CCNJL: variants seen among roughly 807,000 people sequenced by gnomAD.
CCNJL encodes cyclin J like.
Under a neutral mutation model 33.4 loss-of-function variants are expected in CCNJL, and 33 were observed. The ratio of observed to expected loss-of-function variants is 0.99; its 90% CI spans 0.75 to 1.32. The LOEUF (loss-of-function observed/expected upper bound fraction) is 1.32, where lower values mean the gene tolerates loss of function less well. CCNJL is among the 40% of genes most tolerant of loss of function. CCNJL has a pLI of 0.00. For missense variants in CCNJL, 512 were observed against 499.7 expected, an observed-to-expected ratio of 1.02 and a Z score of -0.23; for synonymous variants, 227 against 220.9, an observed-to-expected ratio of 1.03 and a Z score of -0.24.
intron 2 of CCNJL, among the ~76,000 whole-genome samples, chr5:160,304,571 C>T (rs1180196215): frequency 6.6e-6 from 1 of 152,182 alleles, no homozygotes; most frequent in Non-Finnish European, 1.5e-5. Flanking sequence ...TTGTCAAAGC[C>T]AGCATTTGAG....
Position 160,250,028 on chromosome 5 carries a change from T to C in CCNJL, c.*3350A>G, listed in dbSNP as rs1331910840. ...CTGATGCCAGCCCTGGGAGGAACTT[T>C]AAGACTATCTTTGTGCTTTTTAAAG... On this transcript the variant is annotated 3_prime_UTR_variant, in exon 6 of 6. Transcript: ENST00000257536. The C allele has an allele frequency of 6.6e-6, 1 of 152,124 alleles. No homozygotes were observed. The highest frequency in any genetic ancestry group is 1.5e-5 in the Non-Finnish European group (1 of 68,036). 9.4% of individuals were successfully genotyped at this position (152,124 alleles called of 1,614,324 possible).
At chr5:160,318,760 C>T (rs540083216) in intron 1 of CCNJL, among the ~76,000 whole-genome samples, 6 of 152,096 alleles carry the variant, frequency 3.9e-5, no homozygotes, top group South Asian at 2.1e-4. Flanking sequence ...TTCACCATTA[C>T]GGAAAGAATG....
At chr5:160,275,021 C>T (rs1761961554) in intron 3 of CCNJL, among the ~76,000 whole-genome samples, 1 of 151,852 alleles carries the variant, frequency 6.6e-6, no homozygotes, top group South Asian at 2.1e-4. Flanking sequence ...TTCATTTTCC[C>T]CCCATAAATG....
At chr5:160,298,035 A>G (rs1418146515) in intron 2 of CCNJL, among the ~76,000 whole-genome samples, 1 of 152,152 alleles carries the variant, frequency 6.6e-6, no homozygotes, top group Non-Finnish European at 1.5e-5. Context: ...CCTCTGCTCT[A>G]TGTGTGCCTT....
At chr5:160,265,260 C>T (rs974578924) in intron 3 of CCNJL, among the ~76,000 whole-genome samples, 1 of 152,152 alleles carries the variant, frequency 6.6e-6, no homozygotes, top group Non-Finnish European at 1.5e-5. Flanking sequence ...GGTGCTTAAC[C>T]CAGGCTCAGA....
intron 4 of CCNJL, among the ~76,000 whole-genome samples, chr5:160,257,778 T>C (rs1487072044): frequency 2.0e-5 from 3 of 152,038 alleles, no homozygotes; most frequent in Non-Finnish European, 4.4e-5. Flanking sequence ...AGATAATGTA[T>C]GCAAAGCACT....
At chr5:160,338,711 C>T (rs1300232854) in intron 1 of CCNJL, among the ~76,000 whole-genome samples, 1 of 152,084 alleles carries the variant, frequency 6.6e-6, no homozygotes, top group Non-Finnish European at 1.5e-5. Context: ...TTAGGTAATG[C>T]GTATAAAGCA....
intron 2 of CCNJL, among the ~76,000 whole-genome samples, chr5:160,290,487 C>T (rs1202148070): frequency 2.6e-5 from 4 of 151,994 alleles, no homozygotes; most frequent in Non-Finnish European, 4.4e-5. Context: ...AGGCTGGTCT[C>T]GAACTCCTGA....
At chr5:160,270,128 T>G (rs1164070242) in intron 3 of CCNJL, among the ~76,000 whole-genome samples, 2 of 150,904 alleles carry the variant, frequency 1.3e-5, no homozygotes, top group African/African-American at 4.9e-5. Context: ...CTGGGCAACA[T>G]GGCAAAACCT....
chr5:160,311,224 C>T (rs1581013628), intron 2 of CCNJL, among the ~76,000 whole-genome samples: 2 of 152,070 alleles, frequency 1.3e-5, no homozygotes, highest in Admixed American at 6.6e-5. Flanking sequence ...GGAGGCAAAC[C>T]GGCAGGGGAG....
At chr5:160,275,485 T>A (rs1454986294) in intron 3 of CCNJL, among the ~76,000 whole-genome samples, 3 of 151,934 alleles carry the variant, frequency 2.0e-5, no homozygotes, top group Non-Finnish European at 4.4e-5. Flanking sequence ...TTTCAGGTTT[T>A]TTGTGTTTGT....
At chr5:160,258,851 C>G (rs913026053) in intron 4 of CCNJL, among the ~76,000 whole-genome samples, 3 of 152,190 alleles carry the variant, frequency 2.0e-5, no homozygotes, top group South Asian at 2.1e-4. Flanking sequence ...CATGCACCAC[C>G]ACACCCGGTT....
chr5:160,283,697 A>G (rs1012270801), intron 2 of CCNJL, among the ~76,000 whole-genome samples: 1 of 152,196 alleles, frequency 6.6e-6, no homozygotes. Flanking sequence ...CCGTTGTGCA[A>G]TACAATAGTA....
At chr5:160,325,473 T>C (rs1179034936) in intron 1 of CCNJL, among the ~76,000 whole-genome samples, 1 of 152,190 alleles carries the variant, frequency 6.6e-6, no homozygotes, top group Non-Finnish European at 1.5e-5. Flanking sequence ...TACCACATCC[T>C]AAATTTCGTA....
At chr5:160,274,447 A>G (rs931967779) in intron 3 of CCNJL, among the ~76,000 whole-genome samples, 2 of 151,996 alleles carry the variant, frequency 1.3e-5, no homozygotes, top group Non-Finnish European at 2.9e-5. Flanking sequence ...TGACAGAGTG[A>G]GACCTCGTCT....
At position 160,251,857 on chromosome 5, in the gene CCNJL, T is replaced by C. The variant is rs1393650325; in HGVS notation, c.*1521A>G. On this transcript the variant is annotated 3_prime_UTR_variant, in exon 6 of 6. Coordinates refer to ENST00000257536, the MANE Select transcript of CCNJL (RefSeq NM_001308173.3). ...ATGAACGTGCAGCCTCCTATGCTAG[T>C]GTGACACGGTGGCAGAGTCTTATCC... is the stretch of plus-strand genomic sequence containing the variant. 1 of 152,170 alleles carries C rather than the reference T, an allele frequency of 6.6e-6. No individual in the cohort carries two copies. The highest frequency in any genetic ancestry group is 1.5e-5 in the Non-Finnish European group (1 of 68,040). 9.4% of individuals were successfully genotyped at this position (152,170 alleles called of 1,614,324 possible).
Position 160,252,654 on chromosome 5 carries a change from A to C in CCNJL, c.*724T>G, listed in dbSNP as rs371467196. 17 of 152,808 alleles carry C rather than the reference A, an allele frequency of 1.1e-4. No individual in the cohort carries two copies. Among genetic ancestry groups the C allele is most frequent in the Admixed American group, 3.9e-4 (6 of 15,302 alleles). The allele number at this position is 152,808 out of a possible 1,614,324, so 9.5% of individuals were successfully genotyped here. A position where few individuals can be genotyped will look rare whatever the true frequency, so the allele number is the denominator to read the frequency against. On this transcript the variant is annotated 3_prime_UTR_variant, in exon 6 of 6. Transcript: ENST00000257536. Reference sequence around the variant, plus strand: ...CAAATTAACAGCCCTCATGTGGGACAGGCAGTGTGGCAATTAAATTTGTTT... The same window carrying C: ...CAAATTAACAGCCCTCATGTGGGACCGGCAGTGTGGCAATTAAATTTGTTT...
intron 4 of CCNJL, 116 bp from the exon 5 acceptor site, chr5:160,255,824 C>T (rs372693551): frequency 4.8e-6 from 4 of 837,118 alleles, no homozygotes; most frequent in Non-Finnish European, 7.6e-6. Context: ...CGCTGCCCTA[C>T]AAATAGGATG....
rs1168929845 is a variant in CCNJL at position 160,329,237 on chromosome 5, G to GC, written n.206+10207dup. Among the ~76,000 whole-genome samples the GC allele has an allele frequency of 3.9e-5, 6 of 152,196 alleles. No homozygotes were observed. The East Asian group carries it at 9.6e-4, about 24-fold the overall frequency. On this transcript the variant is annotated intron_variant and non_coding_transcript_variant, in intron 1 of 7. Transcript: ENST00000377503. The stretch of plus-strand genomic sequence containing the variant: ...CAGAATGGAGTCCCTCATGCTAGGT[G>GC]CTATGTAGTCAAACTAAACTTAGAA...
Sources: gnomAD v4.1 joint callset for allele counts (sites outside exome capture counted in the v4.1 genomes callset) on GRCh38, gnomAD v4.1.1 for gene constraint, MANE v1.5 for transcripts, NCBI Gene and HGNC (gene_info 2026-07-23, HGNC 2026-07-21) for gene names.